Variants in LY75 observed in about 807,000 individuals in gnomAD.
LY75 encodes lymphocyte antigen 75.
LY75 carries 185 observed loss-of-function variants against 231.7 expected under a neutral mutation model. The ratio of observed to expected loss-of-function variants is 0.80; its 90% CI spans 0.71 to 0.90. LY75 has a LOEUF of 0.90. Among genes scored for constraint, LY75 ranks in the 40% least tolerant of loss-of-function variants. The pLI is 0.00. For missense variants in LY75, 1,947 were observed against 2,050.2 expected (o/e 0.95, Z 0.97); for synonymous variants, 668 against 689.0 (o/e 0.97, Z 0.48).
intron 13 of LY75, among the ~76,000 whole-genome samples, chr2:159,866,245 G>C (rs2125863849): frequency 6.6e-6 from 1 of 152,232 alleles, no homozygotes; most frequent in African/African-American, 2.4e-5. Context: ...AAATGTACTA[G>C]TGAATCAAAG....
At chr2:159,854,699 ACT>A in intron 17 of LY75, 164 bp from the exon 18 acceptor site, 2 of 647,382 alleles carry the variant, frequency 3.1e-6, no homozygotes, top group Non-Finnish European at 3.8e-6. Context: ...TGAGCCAGTG[ACT>A]CTGCCACTCC....
intron 28 of LY75, among the ~76,000 whole-genome samples, chr2:159,828,529 C>A (rs529861109): frequency 3.3e-4 from 50 of 152,222 alleles, no homozygotes; most frequent in African/African-American, 1.2e-3. Context: ...GAAATCAGTA[C>A]TCTCATATAC....
At position 159,840,711 on chromosome 2, in the gene LY75, T is replaced by C. The variant is rs1223948924; in HGVS notation, c.3507+18A>G. The C allele has an allele frequency of 6.2e-7, 1 of 1,613,980 alleles. No individual in the cohort carries two copies. Among genetic ancestry groups the C allele is most frequent in the Admixed American group, 1.7e-5 (1 of 60,014 alleles). ...GCTTTCCATCACCCAGTCCTGGCAG[T>C]TGGGACTGAACACTTACATCTTGAC... On this transcript the variant is annotated intron_variant, in intron 25 of 34. Coordinates refer to ENST00000263636, the MANE Select transcript of LY75 (RefSeq NM_002349.4).
Position 159,882,199 on chromosome 2 carries a change from C to T in LY75, c.1171G>A (p.Ala391Thr), listed in dbSNP as rs770966500. 3.7e-6 allele frequency: 6 copies of T among 1,613,940 alleles called. No homozygotes were observed. The African/African-American group carries it at 5.3e-5, about 14-fold the overall frequency. ...SWDKAHAKCK[A>T]FSSDLISIHS... is the part of the protein sequence containing the mutation. Reference sequence around the variant, plus strand: ...ATGCTGATTAGGTCACTACTGAAGGCTTTGCATTTCGCATGTGCCTTATCC... The same window carrying T: ...ATGCTGATTAGGTCACTACTGAAGGTTTTGCATTTCGCATGTGCCTTATCC... Residue 391 changes from alanine (A) to threonine (T), a missense_variant, in exon 7 of 35, where the codon GCC becomes ACC. By Grantham distance (58) the Ala-to-Thr change is moderately conservative (BLOSUM62 0). Coordinates refer to ENST00000263636, the MANE Select transcript of LY75 (RefSeq NM_002349.4).
chr2:159,850,791 T>TATATATATATATATATATATATATAA lies in LY75; in HGVS notation c.2884-325_2884-324insTTATATATATATATATATATATATAT, dbSNP rs1341394980. Among the ~76,000 whole-genome samples the TATATATATATATATATATATATATAA allele has an allele frequency of 9.2e-3, 869 of 94,262 alleles. 53 individuals are homozygous for TATATATATATATATATATATATATAA. Among genetic ancestry groups the TATATATATATATATATATATATATAA allele is most frequent in the Non-Finnish European group, 0.015 (643 of 43,638 alleles). 61.8% of individuals were successfully genotyped at this position (94,262 alleles called of 152,430 possible). On this transcript the variant is annotated intron_variant, in intron 21 of 34. Transcript: ENST00000263636. ...AAACTTTCATATATATATATATATA[T>TATATATATATATATATATATATATAA]ATATATATTATATCTTATATATAAG...
intron 22 of LY75, 71 bp downstream of exon 22, chr2:159,850,291 T>C: frequency 1.3e-6 from 2 of 1,565,998 alleles, no homozygotes; most frequent in Non-Finnish European, 1.7e-6. Flanking sequence ...GTATGTTAAT[T>C]CCCCATAGCC....
chr2:159,892,537 T>C (rs1685791157), intron 3 of LY75, among the ~76,000 whole-genome samples: 1 of 152,226 alleles, frequency 6.6e-6, no homozygotes, highest in South Asian at 2.1e-4. Flanking sequence ...TGAAACAGTA[T>C]CTGACACCTG....
chr2:159,885,810 G>A (rs1685566365), intron 5 of LY75, among the ~76,000 whole-genome samples: 1 of 152,090 alleles, frequency 6.6e-6, no homozygotes, highest in Admixed American at 6.6e-5. Context: ...TGTGCAGGCA[G>A]CTTTATACTG....
At chr2:159,852,444 G>C (rs1267365720) in intron 20 of LY75, 104 bp from the exon 21 acceptor site, 6 of 1,458,454 alleles carry the variant, frequency 4.1e-6, no homozygotes, top group East Asian at 4.7e-5. Flanking sequence ...TTGAGACAGA[G>C]TCTCGCTCTG....
intron 34 of LY75, 138 bp downstream of exon 34, chr2:159,806,835 A>G: frequency 9.6e-7 from 1 of 1,040,528 alleles, no homozygotes; most frequent in South Asian, 2.5e-5. Flanking sequence ...AATCTCTATG[A>G]CTTAATCAAG....
chr2:159,882,507 G>T (rs765855603), intron 6 of LY75, among the ~76,000 whole-genome samples, 192 bp from the exon 7 acceptor site: 2 of 152,146 alleles, frequency 1.3e-5, no homozygotes, highest in Non-Finnish European at 2.9e-5. Context: ...AGGAATTCCC[G>T]CTGGGATTCA....
At chr2:159,886,646 C>T (rs879767971) in intron 4 of LY75, 116 bp from the exon 5 acceptor site, 2 of 1,047,046 alleles carry the variant, frequency 1.9e-6, no homozygotes, top group African/African-American at 1.6e-5. Flanking sequence ...AGGCAGCAAT[C>T]CCTGTAGAGG....
chr2:159,822,892 A>G (rs540044550), intron 28 of LY75, among the ~76,000 whole-genome samples: 5 of 152,304 alleles, frequency 3.3e-5, no homozygotes, highest in African/African-American at 1.2e-4. Context: ...TAGAAGGAAA[A>G]CTAAAAAACA....
At chr2:159,867,550 G>C (rs1382789723) in intron 13 of LY75, among the ~76,000 whole-genome samples, 1 of 152,200 alleles carries the variant, frequency 6.6e-6, no homozygotes, top group African/African-American at 2.4e-5. Flanking sequence ...GTTAAGAAGA[G>C]ATAGCGTAAA....
At chr2:159,862,705 T>A (rs1226865926) in intron 14 of LY75, among the ~76,000 whole-genome samples, 4 of 152,352 alleles carry the variant, frequency 2.6e-5, no homozygotes, top group South Asian at 2.1e-4. Flanking sequence ...TAAAAGTATA[T>A]GCATTTATCA....
At position 159,881,100 on chromosome 2, in the gene LY75, C is replaced by T; in HGVS notation, c.1387G>A (p.Val463Ile). 1 of 1,613,676 alleles carries T rather than the reference C, an allele frequency of 6.2e-7. No homozygotes were observed. Among genetic ancestry groups the T allele is most frequent in the Non-Finnish European group, 8.5e-7 (1 of 1,179,784 alleles). ...NVPYNKTPNC[V>I]SYLGELGQWK... ...TTTCGTACCTCTCCTAAGTAGGAAA[C>T]ACAGTTGGGCGTCTTATTGTAGGGA... Residue 463 changes from valine to isoleucine, a missense_variant, in exon 8 of 35, where the codon GTT becomes ATT. Transcript: ENST00000263636.
In LY75 at chr2:159,849,975, C is replaced by T; in HGVS notation, c.3150+5G>A. The T allele has an allele frequency of 6.2e-7, 1 of 1,606,872 alleles. No homozygotes were observed. Among genetic ancestry groups the T allele is most frequent in the Admixed American group, 1.7e-5 (1 of 57,748 alleles). ...TGAAGAGTATTGGTTTTTAAAAAAACTTACATTTTCTGGTATTCTCAGCCT... is the reference window on the plus strand; with the variant it reads ...TGAAGAGTATTGGTTTTTAAAAAAATTTACATTTTCTGGTATTCTCAGCCT... On this transcript the variant is annotated splice_donor_5th_base_variant and intron_variant, in intron 23 of 34. Transcript: ENST00000263636.
chr2:159,883,749 AT>A (rs1685506001), intron 6 of LY75, among the ~76,000 whole-genome samples: 1 of 152,126 alleles, frequency 6.6e-6, no homozygotes, highest in African/African-American at 2.4e-5. Context: ...TATGGACTAA[AT>A]TTGGTTTGAA....
intron 24 of LY75, among the ~76,000 whole-genome samples, chr2:159,841,174 T>G (rs1167484426): frequency 6.6e-6 from 1 of 152,234 alleles, no homozygotes; most frequent in African/African-American, 2.4e-5. Context: ...AACAACATTC[T>G]GTTTCATTTT....
Sources: gnomAD v4.1 joint callset for allele counts (sites outside exome capture counted in the v4.1 genomes callset) on GRCh38, gnomAD v4.1.1 for gene constraint, MANE v1.5 for transcripts, NCBI Gene and HGNC (gene_info 2026-07-23, HGNC 2026-07-21) for gene names.